The following TSBP1 variants were observed in gnomAD, a reference collection of about 807,000 sequenced individuals.
TSBP1 encodes the protein testis expressed basic protein 1.
Under a neutral mutation model 68.8 loss-of-function variants are expected in TSBP1, and 56 were observed. That is an observed-to-expected ratio of 0.81 (90% CI 0.66 to 1.02). The LOEUF is 1.02. Ranked by LOEUF, TSBP1 falls within the 50% of genes least tolerant of loss-of-function variation. The probability of loss-of-function intolerance (pLI) is 0.00; values close to 1 mark genes in which losing one functional copy is unlikely to be tolerated. For synonymous variants in TSBP1, 171 were observed against 208.7 expected, an observed-to-expected ratio of 0.82 and a Z score of 1.56; for missense variants, 502 against 641.2, an observed-to-expected ratio of 0.78 and a Z score of 2.34.
At chr6:32,330,745 A>C in intron 15 of TSBP1, 136 bp from the exon 17 acceptor site, 15 of 1,032,532 alleles carry the variant, frequency 1.5e-5, no homozygotes, top group African/African-American at 1.7e-5. Flanking sequence ...ATCTTGGCTC[A>C]CTGCAACCTC....
rs1772489246 is a variant in TSBP1, at chr6:32,357,569, A to G, written c.218-1900T>C. Reference sequence around the variant, plus strand: ...TCCCTCGCTGTGGTGAGGTGAATAGACTATAAGAAGGCAAGAGGAGTATCA... The same window carrying G: ...TCCCTCGCTGTGGTGAGGTGAATAGGCTATAAGAAGGCAAGAGGAGTATCA... On this transcript the variant is annotated intron_variant, in intron 6 of 22. Transcript: ENST00000612031. This position sits in a 1 kb window ranked among gnomAD's most constrained non-coding sequence, Gnocchi z 4.7. Among the ~76,000 whole-genome samples the G allele has an allele frequency of 6.6e-6, 1 of 152,190 alleles. No homozygotes were observed. Among genetic ancestry groups the G allele is most frequent in the African/African-American group, 2.4e-5 (1 of 41,440 alleles).
At chr6:32,309,783 T>C (rs1432482919) in intron 19 of TSBP1, among the ~76,000 whole-genome samples, 1 of 152,198 alleles carries the variant, frequency 6.6e-6, no homozygotes, top group African/African-American at 2.4e-5. Context: ...TGTTTCAAAA[T>C]GTACAATAAA....
At chr6:32,297,980 T>A (rs1000602977) in intron 22 of TSBP1, among the ~76,000 whole-genome samples, 3 of 152,164 alleles carry the variant, frequency 2.0e-5, no homozygotes, top group Non-Finnish European at 2.9e-5. Flanking sequence ...TTACAAAAAA[T>A]TTTTTAAAAG....
At chr6:32,346,773 G>A (rs1380250400) in intron 9 of TSBP1, among the ~76,000 whole-genome samples, 1 of 152,154 alleles carries the variant, frequency 6.6e-6, no homozygotes, top group East Asian at 1.9e-4. Context: ...GGGAGGTGGA[G>A]TTGCAGCGAG....
At chr6:32,353,846 T>C (rs988658270) in intron 8 of TSBP1, among the ~76,000 whole-genome samples, 1 of 151,940 alleles carries the variant, frequency 6.6e-6, no homozygotes, top group Non-Finnish European at 1.5e-5. Context: ...CTAGTTGGTT[T>C]TCCAGATGAA....
At position 32,316,421 on chromosome 6, in the gene TSBP1, A is replaced by T. The variant is rs1320814043; in HGVS notation, c.560-629T>A. ...ATAGGTGCTGCCAGCTGACCTAAAA[A>T]AATTAGATATCAGTGAAGATTTGTT... On this transcript the variant is annotated intron_variant, in intron 18 of 22. Coordinates refer to ENST00000612031, the Ensembl canonical transcript of TSBP1. This position sits in a 1 kb window ranked among gnomAD's most constrained non-coding sequence, Gnocchi z 4.5. 1 of 1,553,694 alleles carries T rather than the reference A, an allele frequency of 6.4e-7. No homozygotes were observed. Among genetic ancestry groups the T allele is most frequent in the African/African-American group, 1.4e-5 (1 of 73,198 alleles).
chr6:32,324,443 T>C (rs769923534), intron 16 of TSBP1: 35 of 730,482 alleles, frequency 4.8e-5, no homozygotes, highest in South Asian at 4.5e-4. Flanking sequence ...CAGTGACTGG[T>C]AACTGCTTGA....
Position 32,314,497 on chromosome 6 carries a change from T to C in TSBP1, c.580+1275A>G, listed in dbSNP as rs769961980. Among the ~76,000 whole-genome samples, 1 of 152,250 alleles carries C rather than the reference T, an allele frequency of 6.6e-6. No homozygotes were observed. The highest frequency in any genetic ancestry group is 1.5e-5 in the Non-Finnish European group (1 of 68,046). On this transcript the variant is annotated intron_variant, in intron 19 of 22. Coordinates refer to ENST00000612031, the Ensembl canonical transcript of TSBP1. The surrounding 1 kb of genome is among the most constrained non-coding windows in gnomAD (Gnocchi z 4.2). ...CATCTGGAATTTCCAGCTTCATTTC[T>C]GGGTCTCAACCACTGAGTATGTATT...
At chr6:32,296,747 GCTAC>G (rs1764766694) in intron 22 of TSBP1, among the ~76,000 whole-genome samples, 1 of 152,074 alleles carries the variant, frequency 6.6e-6, no homozygotes, top group African/African-American at 2.4e-5. Context: ...GTAATTATTT[GCTAC>G]TGTGTGTAAT....
At position 32,325,350 on chromosome 6, in the gene TSBP1, G is replaced by A. The variant is rs147215248; in HGVS notation, c.515-1736C>T. ...AGTGAGGGACACTCCCGGACAGTGT[G>A]GTCATGAGAGATCCAAACCCAAGCA... is the stretch of plus-strand genomic sequence containing the variant. On this transcript the variant is annotated intron_variant, in intron 16 of 22. Coordinates refer to ENST00000612031, the Ensembl canonical transcript of TSBP1. The surrounding 1 kb of genome is among the most constrained non-coding windows in gnomAD (Gnocchi z 4.4). 9.9e-7 allele frequency: 1 copy of A among 1,013,990 alleles called. No individual in the cohort carries two copies. The highest frequency in any genetic ancestry group is 1.6e-5 in the African/African-American group (1 of 62,716). 62.8% of individuals were successfully genotyped at this position (1,013,990 alleles called of 1,614,324 possible).
At chr6:32,293,166 T>C (rs2127553298) in exon 23 of TSBP1, 2 of 1,606,786 alleles carry the variant, frequency 1.2e-6, no homozygotes, top group East Asian at 4.5e-5. Context: ...TCTCTCTCCT[T>C]TTCTTTATCA....
At position 32,315,331 on chromosome 6, in the gene TSBP1, C is replaced by T. The variant is rs138390885; in HGVS notation, c.580+441G>A. Among the ~76,000 whole-genome samples, 594 of 152,040 alleles carry T rather than the reference C, an allele frequency of 3.9e-3. 3 individuals carry two copies. Among genetic ancestry groups the T allele is most frequent in the African/African-American group, 0.014 (566 of 41,484 alleles). The stretch of plus-strand genomic sequence containing the variant: ...TAAACCCAGCACTTTGGGAGGCCAA[C>T]GCGGGCGGATCACTTGAGGTCAGGA... On this transcript the variant is annotated intron_variant, in intron 19 of 22. Transcript: ENST00000612031. This position sits in a 1 kb window ranked among gnomAD's most constrained non-coding sequence, Gnocchi z 5.4.
Position 32,292,973 on chromosome 6 carries a change from A to T in TSBP1, c.*8T>A, listed in dbSNP as rs750162853. The T allele has an allele frequency of 1.3e-6, 2 of 1,575,884 alleles. No homozygotes were observed. The highest frequency in any genetic ancestry group is 1.7e-6 in the Non-Finnish European group (2 of 1,159,236). On this transcript the variant is annotated 3_prime_UTR_variant, in exon 23 of 23. Coordinates refer to ENST00000612031, the Ensembl canonical transcript of TSBP1. The surrounding 1 kb of genome is among the most constrained non-coding windows in gnomAD (Gnocchi z 4.1). ...CACTTGTCTTATGGGCCTTTAAAAA[A>T]TTTATCCTTACTCTTCCACTTTTTT...
intron 9 of TSBP1, among the ~76,000 whole-genome samples, chr6:32,344,833 A>G (rs9268268): frequency 0.76 from 114,053 of 150,306 alleles, 43,485 homozygotes; most frequent in South Asian, 0.86. Flanking sequence ...ACTGTTAAGG[A>G]AACTTGGAAG....
chr6:32,368,917 G>T, intron 2 of TSBP1, 103 bp from the exon 3 acceptor site: 1 of 1,369,472 alleles, frequency 7.3e-7, no homozygotes, highest in Non-Finnish European at 9.8e-7. Flanking sequence ...TGCTTACCAA[G>T]GTGGTCCTCC....
At position 32,349,251 on chromosome 6, in the gene TSBP1, C is replaced by T. The variant is rs192239831; in HGVS notation, c.349+489G>A. On this transcript the variant is annotated intron_variant, in intron 9 of 22. Transcript: ENST00000612031. ...CAGGAATGAGTATCAGAACCAGGAA[C>T]GCCTGGGAGCACCAAACCCTTAGTG... is the stretch of plus-strand genomic sequence containing the variant. Among the ~76,000 whole-genome samples the T allele has an allele frequency of 4.2e-4, 62 of 147,878 alleles. 1 individual carries two copies. The highest frequency in any genetic ancestry group is 4.0e-3 in the Admixed American group (58 of 14,602).
intron 14 of TSBP1, among the ~76,000 whole-genome samples, chr6:32,332,787 T>G (rs1769198802): frequency 6.6e-6 from 1 of 151,852 alleles, no homozygotes; most frequent in African/African-American, 2.4e-5. Flanking sequence ...TTAAAAAAAT[T>G]TTTGTAGAGA....
At chr6:32,308,964 T>C (rs1766085916) in intron 19 of TSBP1, among the ~76,000 whole-genome samples, 1 of 149,442 alleles carries the variant, frequency 6.7e-6, no homozygotes, top group Non-Finnish European at 1.5e-5. Flanking sequence ...CTGCTTTTTT[T>C]TTTTTTTTTT....
At chr6:32,297,222 A>G (rs1171161761) in intron 22 of TSBP1, among the ~76,000 whole-genome samples, 3 of 152,156 alleles carry the variant, frequency 2.0e-5, no homozygotes, top group Non-Finnish European at 4.4e-5. Context: ...TAACACATAC[A>G]GTGTAAATCT....
Sources: allele counts gnomAD v4.1 joint callset (sites outside exome capture counted in the v4.1 genomes callset), GRCh38; gene constraint gnomAD v4.1.1; non-coding constraint Gnocchi (gnomAD v3.1); transcripts MANE v1.5; gene names NCBI Gene and HGNC (gene_info 2026-07-23, HGNC 2026-07-21).